Variants in SASH1 observed in about 807,000 individuals in gnomAD.
SASH1 encodes the protein SAM and SH3 domain containing 1, also known as SAM and SH3 domain-containing protein 1.
Under a neutral mutation model 125.2 loss-of-function variants are expected in SASH1, and 44 were observed. That is an observed-to-expected ratio of 0.35 (90% CI 0.28 to 0.45). SASH1 has a LOEUF of 0.45. Among genes scored for constraint, SASH1 ranks in the 20% least tolerant of loss-of-function variants. SASH1 has a pLI of 1.00. For synonymous variants in SASH1, 639 were observed against 649.1 expected (o/e 0.98, Z 0.24); for missense variants, 1,426 against 1,614.5 (o/e 0.88, Z 2.00).
At position 148,390,123 on chromosome 6, in the gene SASH1, C is replaced by T. The variant is rs1308716787; in HGVS notation, c.157-11C>T. On this transcript the variant is annotated splice_polypyrimidine_tract_variant and intron_variant, in intron 1 of 19. Coordinates refer to ENST00000367467, the MANE Select transcript of SASH1 (RefSeq NM_015278.5). Reference sequence around the variant, plus strand: ...ACTGACCTGACCGCCTTTGTTTGTCCACCCCTTCAGGACGGTTCACTGGGA... The same window carrying T: ...ACTGACCTGACCGCCTTTGTTTGTCTACCCCTTCAGGACGGTTCACTGGGA... 10 of 1,612,126 alleles carry T rather than the reference C, an allele frequency of 6.2e-6. No homozygotes were observed. The Middle Eastern group carries it at 5.0e-4, about 80-fold the overall frequency.
chr6:148,400,111 A>C (rs148468568), intron 2 of SASH1, among the ~76,000 whole-genome samples: 38 of 152,338 alleles, frequency 2.5e-4, no homozygotes, highest in African/African-American at 8.7e-4. Context: ...ATGTTTGCTT[A>C]TTTCCAGGCC....
chr6:148,392,866 A>G (rs1017688586), intron 2 of SASH1, among the ~76,000 whole-genome samples: 3 of 151,994 alleles, frequency 2.0e-5, no homozygotes, highest in South Asian at 4.1e-4. Flanking sequence ...TGCTGGGGTT[A>G]TTTCCTCCTT....
chr6:148,278,507 A>C (rs1460578146), intron 1 of SASH1, among the ~76,000 whole-genome samples: 2 of 152,148 alleles, frequency 1.3e-5, no homozygotes, highest in East Asian at 3.9e-4. Flanking sequence ...AATTAAATTA[A>C]ATTTTAATTT....
chr6:148,311,532 G>A (rs1431344654), intron 1 of SASH1, among the ~76,000 whole-genome samples: 1 of 152,150 alleles, frequency 6.6e-6, no homozygotes, highest in East Asian at 1.9e-4. Context: ...AGCCAGATGT[G>A]GTGGCTAACG....
rs1779259850 is a variant in SASH1 at position 148,495,084 on chromosome 6, A to G, written c.729+7369A>G. 6.6e-6 allele frequency among the ~76,000 whole-genome samples: 1 copy of G among 152,242 alleles called. No individual in the cohort carries two copies. The highest frequency in any genetic ancestry group is 2.1e-4 in the South Asian group (1 of 4,832). On this transcript the variant is annotated intron_variant, in intron 8 of 19. Coordinates refer to ENST00000367467, the MANE Select transcript of SASH1 (RefSeq NM_015278.5). The surrounding 1 kb of genome is among the most constrained non-coding windows in gnomAD (Gnocchi z 4.0). Reference sequence around the variant, plus strand: ...GTTTCGAAGTTTTGGAAGGAAAGGTAGTCACAGCCCTAGTCGAAATAGAAC... The same window carrying G: ...GTTTCGAAGTTTTGGAAGGAAAGGTGGTCACAGCCCTAGTCGAAATAGAAC...
chr6:148,392,395 ATAAT>A (rs1418628239), intron 2 of SASH1, among the ~76,000 whole-genome samples: 2 of 152,198 alleles, frequency 1.3e-5, no homozygotes, highest in Admixed American at 6.5e-5. Context: ...CACAAAAATA[ATAAT>A]TAAGTAACTA....
Position 148,440,412 on chromosome 6 carries a change from G to C in SASH1, c.386+5G>C. 1 of 1,612,816 alleles carries C rather than the reference G, an allele frequency of 6.2e-7. No homozygotes were observed. The highest frequency in any genetic ancestry group is 8.5e-7 in the Non-Finnish European group (1 of 1,179,038). On this transcript the variant is annotated splice_donor_5th_base_variant and intron_variant, in intron 4 of 19. Coordinates refer to ENST00000367467, the MANE Select transcript of SASH1 (RefSeq NM_015278.5). Reference sequence around the variant, plus strand: ...AACCCCAGAAGTGGAAAGAAAGTAAGTCTTTCTCCCTCTGCCCAGGACCAC... The same window carrying C: ...AACCCCAGAAGTGGAAAGAAAGTAACTCTTTCTCCCTCTGCCCAGGACCAC...
At chr6:148,251,928 C>A in the SASH1 span, among the ~76,000 whole-genome samples, 4 of 146,718 alleles carry the variant, frequency 2.7e-5, no homozygotes, top group Non-Finnish European at 5.9e-5. Flanking sequence ...TGAGAACATG[C>A]GGTGTTTGGT....
At chr6:148,277,995 G>T (rs941710669) in intron 1 of SASH1, among the ~76,000 whole-genome samples, 1 of 151,998 alleles carries the variant, frequency 6.6e-6, no homozygotes, top group African/African-American at 2.4e-5. Context: ...GATTGCAGGC[G>T]TGAGCCACTG....
Position 148,544,348 on chromosome 6 carries a change from A to T in SASH1, c.2878A>T (p.Thr960Ser). The change falls in exon 18 of 20, where the codon ACA becomes TCA. Residue 960 changes from threonine to serine, a missense_variant. By Grantham distance (58) the Thr-to-Ser change is moderately conservative. Transcript: ENST00000367467. The surrounding 1 kb of genome is among the most constrained non-coding windows in gnomAD (Gnocchi z 6.4). ...CAGAAAAGGACACGAGTTTGAAGGA[A>T]CACACCATCCCCTGGGCACCAAAGA... ...GHRKGHEFEG[T>S]HHPLGTKEGV... is the part of the protein sequence containing the mutation. 6.2e-7 allele frequency: 1 copy of T among 1,614,148 alleles called. No homozygotes were observed. The highest frequency in any genetic ancestry group is 8.5e-7 in the Non-Finnish European group (1 of 1,180,026).
chr6:148,542,855 TGTG>T (rs1782307591), intron 17 of SASH1, among the ~76,000 whole-genome samples: 1 of 122,870 alleles, frequency 8.1e-6, no homozygotes, highest in African/African-American at 3.0e-5. Flanking sequence ...AGGGACAGTG[TGTG>T]TGTGTGTGTG....
chr6:148,334,361 G>A (rs1199374219), intron 1 of SASH1, among the ~76,000 whole-genome samples: 3 of 144,756 alleles, frequency 2.1e-5, no homozygotes, highest in African/African-American at 7.7e-5. Context: ...CCGGGAGGCG[G>A]AGCTTGCAGT....
rs143163847 is a variant in SASH1, at chr6:148,346,963, A to G, written c.156+3740A>G. Among the ~76,000 whole-genome samples the G allele has an allele frequency of 9.2e-5, 14 of 152,318 alleles. No individual in the cohort carries two copies. The East Asian group carries it at 2.3e-3, about 25-fold the overall frequency. On this transcript the variant is annotated intron_variant, in intron 1 of 19. Transcript: ENST00000367467. ...TGTGTAGACTTCTATTGAGAAGTGC[A>G]AAACTGAGTTAGAATCCTGTGGAAT...
Position 148,471,427 on chromosome 6 carries a change from C to G in SASH1, c.438C>G (p.Asp146Glu). Residue 146 changes from aspartate (D) to glutamate (E), a missense_variant, in exon 6 of 20, where the codon GAC becomes GAG. This residue lies in a region of SASH1 where 567 missense variants were observed against 575.6 expected (regional missense o/e 0.99). Transcript: ENST00000367467. Reference protein sequence around the residue: ...NSEDSSVGKGDWKKKNKYFWQ... With the variant: ...NSEDSSVGKGEWKKKNKYFWQ... Reference sequence around the variant, plus strand: ...TTTTTTTTTTTTAAGGAAAAGGAGACTGGAAGAAGAAAAATAAGTATTTCT... The same window carrying G: ...TTTTTTTTTTTTAAGGAAAAGGAGAGTGGAAGAAGAAAAATAAGTATTTCT... 15 of 776,106 alleles carry G rather than the reference C, an allele frequency of 1.9e-5. No individual in the cohort carries two copies. The highest frequency in any genetic ancestry group is 2.6e-5 in the Non-Finnish European group (13 of 499,218). The allele number at this position is 776,106 out of a possible 1,614,324, so 48.1% of individuals were successfully genotyped here.
intron 1 of SASH1, among the ~76,000 whole-genome samples, chr6:148,352,277 T>C (rs555216386): frequency 2.8e-4 from 43 of 152,286 alleles, no homozygotes; most frequent in African/African-American, 1.0e-3. Flanking sequence ...ACCAACATCA[T>C]TGGGTTCTCA....
chr6:148,270,849 A>G (rs1450609723), upstream of SASH1, among the ~76,000 whole-genome samples: 4 of 152,114 alleles, frequency 2.6e-5, no homozygotes, highest in South Asian at 4.1e-4. Flanking sequence ...ACTCAGTTAA[A>G]GAGAAATCTA....
chr6:148,396,499 A>G (rs1050002670), intron 2 of SASH1, among the ~76,000 whole-genome samples: 4 of 150,120 alleles, frequency 2.7e-5, no homozygotes, highest in Admixed American at 6.6e-5. Context: ...AAAAAAAAAA[A>G]AAAAGAAAGA....
intron 1 of SASH1, among the ~76,000 whole-genome samples, chr6:148,388,318 A>T (rs548762915): frequency 2.0e-5 from 3 of 152,102 alleles, no homozygotes; most frequent in Admixed American, 2.0e-4. Context: ...AACAGATTCT[A>T]TCTTGACCTT....
At chr6:148,468,717 A>C (rs1265981863) in intron 5 of SASH1, 132 bp downstream of exon 5, 2 of 590,434 alleles carry the variant, frequency 3.4e-6, no homozygotes, top group Non-Finnish European at 5.8e-6. Context: ...TTTGATGTAC[A>C]TCCTTATTCT....
Sources: gnomAD v4.1 joint callset for allele counts (sites outside exome capture counted in the v4.1 genomes callset) on GRCh38, gnomAD v4.1.1 for gene constraint, gnomAD v4.1.1 regional missense constraint, Gnocchi (gnomAD v3.1) non-coding constraint, MANE v1.5 for transcripts, NCBI Gene and HGNC (gene_info 2026-07-23, HGNC 2026-07-21) for gene names.